Variants in AARS1 observed in about 807,000 individuals in gnomAD.
AARS1 encodes the protein alanine--tRNA ligase, cytoplasmic.
AARS1 carries 72 observed loss-of-function variants against 108.9 expected under a neutral mutation model. The ratio of observed to expected loss-of-function variants is 0.66; its 90% confidence interval spans 0.55 to 0.80. The LOEUF (loss-of-function observed/expected upper bound fraction) is 0.80, where lower values mean the gene tolerates loss of function less well. Ranked by LOEUF, AARS1 falls within the 30% of genes least tolerant of loss-of-function variation. AARS1 has a pLI of 0.00. For missense variants in AARS1, 1,193 were observed against 1,233.2 expected (o/e 0.97, Z 0.49); for synonymous variants, 489 against 465.7 (o/e 1.05, Z -0.64).
chr16:70,253,666 CAG>C (rs1959904194), intron 19 of AARS1, 46 bp downstream of exon 19: 1 of 1,593,910 alleles, frequency 6.3e-7, no homozygotes, highest in Non-Finnish European at 8.6e-7. Context: ...TGTCAGCCAC[CAG>C]AGAGCTGATG....
At chr16:70,262,155 T>A (rs1227441618) in intron 12 of AARS1, among the ~76,000 whole-genome samples, 191 bp downstream of exon 12, 1 of 152,142 alleles carries the variant, frequency 6.6e-6, no homozygotes, top group East Asian at 1.9e-4. Context: ...AAAATACTCC[T>A]ACGAGGGTAC....
chr16:70,254,769 G>T, intron 16 of AARS1, 35 bp from the exon 17 acceptor site: 4 of 1,433,006 alleles, frequency 2.8e-6, no homozygotes, highest in Non-Finnish European at 3.9e-6. Context: ...CCAAGCAGGA[G>T]GTCTGAGTCA....
intron 2 of AARS1, among the ~76,000 whole-genome samples, chr16:70,279,670 C>CAAAAAAAAAAAAA (rs367753826): frequency 2.1e-4 from 24 of 114,328 alleles, no homozygotes; most frequent in South Asian, 3.0e-4. Flanking sequence ...CAAAAAAAAA[C>CAAAAAAAAAAAAA]AAAAAAAAAA....
chr16:70,254,111 C>G (rs958709464), intron 17 of AARS1, 73 bp from the exon 18 acceptor site: 1 of 1,599,286 alleles, frequency 6.3e-7, no homozygotes, highest in South Asian at 1.1e-5. Context: ...CCACCCCACC[C>G]GAACCCAAGT....
At chr16:70,253,510 C>T in intron 19 of AARS1, 129 bp from the exon 20 acceptor site, 1 of 1,051,070 alleles carries the variant, frequency 9.5e-7, no homozygotes, top group Non-Finnish European at 1.4e-6. Flanking sequence ...TGCCCAGGGC[C>T]TGTGGGGAGG....
intron 2 of AARS1, among the ~76,000 whole-genome samples, chr16:70,280,953 C>G (rs920028926): frequency 1.3e-5 from 2 of 152,130 alleles, no homozygotes; most frequent in Non-Finnish European, 2.9e-5. Context: ...TCAGCCTCCC[C>G]AGAAGCTGGG....
chr16:70,263,816 T>G (rs1960201690), intron 11 of AARS1, among the ~76,000 whole-genome samples: 1 of 151,912 alleles, frequency 6.6e-6, no homozygotes. Flanking sequence ...TTTGTATTTC[T>G]GGTAGAGACA....
intron 2 of AARS1, among the ~76,000 whole-genome samples, chr16:70,279,863 T>A (rs974448497): frequency 6.6e-6 from 1 of 151,908 alleles, no homozygotes; most frequent in Non-Finnish European, 1.5e-5. Flanking sequence ...GGTATATGCA[T>A]AGGACTCACA....
Position 70,269,634 on chromosome 16 carries a change from C to T in AARS1, c.946G>A (p.Asp316Asn), listed in dbSNP as rs750331983. ...CATACTTACCCACGCCCTGTGTTGT[C>T]AGGCCGGCCACCATCAGCCAGTGCC... ...TVALADGGRP[D>N]NTGRGYVLRR... is the part of the protein sequence containing the mutation. The change falls in exon 7 of 21, where the codon GAC (aspartate) becomes AAC (asparagine). Residue 316 changes from aspartate (D) to asparagine (N), a missense_variant. By Grantham distance (23) the Asp-to-Asn change is conservative. Coordinates refer to ENST00000261772, the MANE Select transcript of AARS1 (RefSeq NM_001605.3). 1.9e-6 allele frequency: 3 copies of T among 1,614,148 alleles called. No homozygotes were observed. Among genetic ancestry groups the T allele is most frequent in the South Asian group, 2.2e-5 (2 of 91,084 alleles).
Position 70,277,085 on chromosome 16 carries a change from T to C in AARS1, c.214A>G (p.Thr72Ala). ...PMAKLSRAAN[T>A]QKCIRAGGKH... ...CCCCCAGCCCGGATGCACTTCTGGG[T>C]ATTGGCAGCTCTGCTCAGCTTTGCC... The change falls in exon 3 of 21, where the codon ACC becomes GCC. Residue 72 changes from threonine to alanine, a missense_variant. Coordinates refer to ENST00000261772, the MANE Select transcript of AARS1 (RefSeq NM_001605.3). The C allele has an allele frequency of 1.9e-6, 3 of 1,614,202 alleles. No homozygotes were observed. Among genetic ancestry groups the C allele is most frequent in the South Asian group, 1.1e-5 (1 of 91,080 alleles).
intron 5 of AARS1, among the ~76,000 whole-genome samples, chr16:70,271,158 G>C (rs921134575): frequency 3.4e-5 from 5 of 147,718 alleles, no homozygotes; most frequent in East Asian, 2.1e-4. Context: ...CTGGGTGACA[G>C]AGCAAGACTC....
chr16:70,281,378 A>C (rs1367545677), intron 2 of AARS1, among the ~76,000 whole-genome samples: 1 of 152,100 alleles, frequency 6.6e-6, no homozygotes, highest in South Asian at 2.1e-4. Flanking sequence ...TAAATAAATA[A>C]ATTTAGGCCA....
intron 4 of AARS1, 196 bp downstream of exon 4, chr16:70,276,290 A>C (rs143811203): frequency 1.7e-6 from 1 of 587,976 alleles, no homozygotes; most frequent in African/African-American, 1.9e-5. Flanking sequence ...GCTGGAGTGC[A>C]GTGGAGTGAT....
In AARS1 at chr16:70,259,108, C is replaced by G; in HGVS notation, c.1864G>C (p.Ala622Pro). 1.2e-6 allele frequency: 2 copies of G among 1,614,180 alleles called. No individual in the cohort carries two copies. Among genetic ancestry groups the G allele is most frequent in the Non-Finnish European group, 1.7e-6 (2 of 1,180,028 alleles). The part of the protein sequence containing the change: ...NFALRSVLGE[A>P]DQKGSLVAPD... ...GCAACCAATGAGCCTTTCTGGTCAGCTTCCCCAAGCACTGAGCGCAGGGCG... is the reference window on the plus strand; with the variant it reads ...GCAACCAATGAGCCTTTCTGGTCAGGTTCCCCAAGCACTGAGCGCAGGGCG... The change falls in exon 14 of 21, where the codon GCT becomes CCT. Residue 622 changes from alanine to proline, a missense_variant. Physicochemically the swap from Ala to Pro is conservative, Grantham distance 27. Coordinates refer to ENST00000261772, the MANE Select transcript of AARS1 (RefSeq NM_001605.3).
At chr16:70,281,072 T>C (rs899728710) in intron 2 of AARS1, among the ~76,000 whole-genome samples, 46 of 152,266 alleles carry the variant, frequency 3.0e-4, no homozygotes, top group African/African-American at 1.1e-3. Context: ...TCAAGTGACC[T>C]ATCTGCCTCG....
At chr16:70,275,553 G>A (rs1268420464) in intron 4 of AARS1, among the ~76,000 whole-genome samples, 3 of 152,010 alleles carry the variant, frequency 2.0e-5, no homozygotes, top group Non-Finnish European at 4.4e-5. Flanking sequence ...ACGAGGTCAG[G>A]AGATCGAGAC....
chr16:70,272,461 G>A (rs1194882369), intron 4 of AARS1, among the ~76,000 whole-genome samples: 3 of 127,460 alleles, frequency 2.4e-5, no homozygotes, highest in African/African-American at 3.1e-5. Context: ...AGCCGGGATC[G>A]CGCCATTGCA....
At chr16:70,285,311 T>C (rs1405838051) in intron 1 of AARS1, among the ~76,000 whole-genome samples, 1 of 152,138 alleles carries the variant, frequency 6.6e-6, no homozygotes, top group African/African-American at 2.4e-5. Context: ...TTTCTTCTTT[T>C]TTTCTGGTTC....
Position 70,252,690 on chromosome 16 carries a change from T to G in AARS1, c.*31A>C, listed in dbSNP as rs773212413. 30 of 1,611,910 alleles carry G rather than the reference T, an allele frequency of 1.9e-5. No individual in the cohort carries two copies. In the South Asian group the frequency reaches 2.6e-4, roughly 14 times the overall value. ...GATGAAGAGCTCTTGGCTGGACGGATGGATCCAGTGGGAGCCTCCTCCTTC... is the reference window on the plus strand; with the variant it reads ...GATGAAGAGCTCTTGGCTGGACGGAGGGATCCAGTGGGAGCCTCCTCCTTC... On this transcript the variant is annotated 3_prime_UTR_variant, in exon 21 of 21. Coordinates refer to ENST00000261772, the MANE Select transcript of AARS1 (RefSeq NM_001605.3).
Sources: gnomAD v4.1 joint callset for allele counts (sites outside exome capture counted in the v4.1 genomes callset) on GRCh38, gnomAD v4.1.1 for gene constraint, MANE v1.5 for transcripts, NCBI Gene and HGNC (gene_info 2026-07-23, HGNC 2026-07-21) for gene names.